Variants in IRAK1BP1 observed in about 807,000 individuals in gnomAD.
IRAK1BP1 encodes interleukin 1 receptor associated kinase 1 binding protein 1.
Under a neutral mutation model 28.0 loss-of-function variants are expected in IRAK1BP1, and 24 were observed. The observed-to-expected ratio is 0.86, with a 90% CI of 0.62 to 1.20. IRAK1BP1 has a LOEUF of 1.20. IRAK1BP1 is among the 50% of genes most tolerant of loss of function. IRAK1BP1 has a pLI of 0.00. For missense variants in IRAK1BP1, 336 were observed against 316.7 expected (o/e 1.06, Z -0.46); for synonymous variants, 131 against 116.3 (o/e 1.13, Z -0.81).
At chr6:78,946,322 T>C (rs911259547) in exon 5 of IRAK1BP1, 85 of 1,488,972 alleles carry the variant, frequency 5.7e-5, no homozygotes, top group Non-Finnish European at 7.5e-5. Flanking sequence ...TAAAACAGTT[T>C]ATAATATTTT....
chr6:78,906,463 T>C (rs952106609), downstream of IRAK1BP1, among the ~76,000 whole-genome samples: 2 of 152,230 alleles, frequency 1.3e-5, no homozygotes, highest in Non-Finnish European at 2.9e-5. Context: ...TGCCCATCAG[T>C]GATCAGAGCT....
At chr6:78,915,329 G>A (rs985663626) in intron 4 of IRAK1BP1, among the ~76,000 whole-genome samples, 5 of 152,196 alleles carry the variant, frequency 3.3e-5, no homozygotes, top group Non-Finnish European at 5.9e-5. Context: ...TATGGCAATA[G>A]TGTAAGCAAA....
chr6:78,918,314 A>G (rs1772615572), intron 4 of IRAK1BP1, among the ~76,000 whole-genome samples: 1 of 152,114 alleles, frequency 6.6e-6, no homozygotes, highest in Admixed American at 6.5e-5. Flanking sequence ...AATTATTTTT[A>G]AAATATCAAT....
chr6:78,967,610 TA>T, the IRAK1BP1 span, among the ~76,000 whole-genome samples: 1 of 152,204 alleles, frequency 6.6e-6, no homozygotes, highest in Non-Finnish European at 1.5e-5. Flanking sequence ...TCCTCAGATA[TA>T]AAAGATTAAT....
chr6:78,961,947 T>C, the IRAK1BP1 span: 16 of 643,792 alleles, frequency 2.5e-5, no homozygotes, highest in South Asian at 4.0e-5. Context: ...ATAAACAATA[T>C]AGTGTAGCTG....
intron 1 of IRAK1BP1, among the ~76,000 whole-genome samples, chr6:78,876,132 G>C (rs1770994561): frequency 6.6e-6 from 1 of 152,082 alleles, no homozygotes; most frequent in Non-Finnish European, 1.5e-5. Context: ...ATTGAACTAT[G>C]GGGGCAGTTT....
chr6:78,958,729 A>C, the IRAK1BP1 span: 3 of 653,796 alleles, frequency 4.6e-6, no homozygotes, highest in South Asian at 5.5e-5. Context: ...TGGTCTTATA[A>C]AGTCATTTTC....
chr6:78,923,337 G>A (rs957770408), intron 4 of IRAK1BP1, among the ~76,000 whole-genome samples: 1 of 151,986 alleles, frequency 6.6e-6, no homozygotes, highest in Admixed American at 6.6e-5. Flanking sequence ...TTTACATAAT[G>A]GTAAAGGTAT....
intron 4 of IRAK1BP1, among the ~76,000 whole-genome samples, chr6:78,933,349 G>C (rs1475719401): frequency 6.6e-6 from 1 of 152,206 alleles, no homozygotes; most frequent in Non-Finnish European, 1.5e-5. Context: ...CGGACGCGAT[G>C]GCTCACGCCT....
At chr6:78,954,271 T>A in the IRAK1BP1 span, among the ~76,000 whole-genome samples, 1 of 151,108 alleles carries the variant, frequency 6.6e-6, no homozygotes, top group Non-Finnish European at 1.5e-5. Flanking sequence ...CTGGCTAATT[T>A]TTTTTTTTGT....
At chr6:78,977,985 G>C in the IRAK1BP1 span, among the ~76,000 whole-genome samples, 2 of 152,010 alleles carry the variant, frequency 1.3e-5, no homozygotes, top group Non-Finnish European at 2.9e-5. Flanking sequence ...AGATAACACT[G>C]CCTCTTAAAA....
the IRAK1BP1 span, among the ~76,000 whole-genome samples, chr6:78,961,440 C>G: frequency 6.6e-6 from 1 of 152,028 alleles, no homozygotes; most frequent in Non-Finnish European, 1.5e-5. Context: ...AAAACTGTAT[C>G]TAGGATCTAG....
chr6:78,868,534 CTACT>C (rs1562071698), intron 1 of IRAK1BP1, among the ~76,000 whole-genome samples: 1 of 152,194 alleles, frequency 6.6e-6, no homozygotes, highest in African/African-American at 2.4e-5. Flanking sequence ...CGAAATACTT[CTACT>C]TACTTAACGG....
In IRAK1BP1 at chr6:78,868,152, G is replaced by A. The variant is rs193059889; in HGVS notation, c.315+261G>A. Among the ~76,000 whole-genome samples, 96 of 152,282 alleles carry A rather than the reference G, an allele frequency of 6.3e-4. 1 individual carries two copies. In the South Asian group the frequency reaches 7.9e-3, roughly 13 times the overall value. On this transcript the variant is annotated intron_variant, in intron 1 of 3. Coordinates refer to ENST00000369940, the MANE Select transcript of IRAK1BP1 (RefSeq NM_001010844.4). ...GCAAATTGGGTAGGTTTTTATCTGG[G>A]GATATTTGCTTCAGTGATTTTGTTT...
At chr6:78,932,227 C>T (rs1383030170) in intron 4 of IRAK1BP1, among the ~76,000 whole-genome samples, 1 of 151,976 alleles carries the variant, frequency 6.6e-6, no homozygotes, top group Non-Finnish European at 1.5e-5. Context: ...TCAGAATCAT[C>T]CATGAGGGTT....
At chr6:78,867,956 C>G in intron 1 of IRAK1BP1, 65 bp downstream of exon 1, 2 of 1,441,874 alleles carry the variant, frequency 1.4e-6, no homozygotes, top group Non-Finnish European at 1.8e-6. Flanking sequence ...GATGGTCGGG[C>G]CCCACAGGCC....
chr6:78,894,014 C>G (rs1398124056), intron 2 of IRAK1BP1, among the ~76,000 whole-genome samples: 2 of 152,052 alleles, frequency 1.3e-5, no homozygotes, highest in East Asian at 3.8e-4. Flanking sequence ...AAGGGAAGAA[C>G]AGAAGTACAG....
chr6:78,937,166 A>G (rs1773301896), intron 4 of IRAK1BP1: 1 of 151,766 alleles, frequency 6.6e-6, no homozygotes, highest in Admixed American at 6.6e-5. Context: ...TCAAAAATAA[A>G]TTTCAGGTAA....
At chr6:78,917,693 C>T (rs373410408) in intron 4 of IRAK1BP1, among the ~76,000 whole-genome samples, 7 of 132,086 alleles carry the variant, frequency 5.3e-5, no homozygotes, top group African/African-American at 2.0e-4. Context: ...CAGATACATA[C>T]AAAGAGAATT....
Sources: allele counts gnomAD v4.1 joint callset (sites outside exome capture counted in the v4.1 genomes callset), GRCh38; gene constraint gnomAD v4.1.1; transcripts MANE v1.5; gene names NCBI Gene and HGNC (gene_info 2026-07-23, HGNC 2026-07-21).